Variants in EYS observed in about 807,000 individuals in gnomAD.
EYS encodes EGF-like photoreceptor maintenance factor, also known as protein eyes shut homolog.
In EYS, 250 loss-of-function variants were observed where a neutral mutation model predicts 282.1. The ratio of observed to expected loss-of-function variants is 0.89; its 90% CI spans 0.80 to 0.98. EYS has a LOEUF of 0.98. Ranked by LOEUF, EYS falls within the 50% of genes least tolerant of loss-of-function variation. The pLI is 0.00. For synonymous variants in EYS, 1,355 were observed against 1,282.9 expected (o/e 1.06, Z -1.20); for missense variants, 4,016 against 3,709.0 (o/e 1.08, Z -2.15).
chr6:64,412,613 T>A (rs557238457), intron 28 of EYS: 108 of 152,168 alleles, frequency 7.1e-4, no homozygotes, highest in African/African-American at 2.5e-3. Flanking sequence ...CATTTAAAAA[T>A]TTTTTTTCTC....
intron 30 of EYS, among the ~76,000 whole-genome samples, chr6:64,296,594 ATATATTTTTT>A (rs1561913884): frequency 6.2e-3 from 30 of 4,854 alleles, no homozygotes; most frequent in Admixed American, 0.014. Flanking sequence ...ACATATATAT[ATATATTTTTT>A]TTTTTTTTTT....
intron 28 of EYS, among the ~76,000 whole-genome samples, chr6:64,434,607 G>T (rs1283647144): frequency 3.3e-5 from 5 of 151,942 alleles, no homozygotes; most frequent in Non-Finnish European, 7.4e-5. Flanking sequence ...GGTTCATGGG[G>T]CCTGTAGCTT....
intron 26 of EYS, among the ~76,000 whole-genome samples, chr6:64,526,383 G>A (rs1777920907): frequency 6.6e-6 from 1 of 151,636 alleles, no homozygotes; most frequent in South Asian, 2.1e-4. Flanking sequence ...TCTTACAATT[G>A]TGTGTGAATC....
At chr6:64,966,001 T>C (rs2150108591) in intron 14 of EYS, among the ~76,000 whole-genome samples, 1 of 152,062 alleles carries the variant, frequency 6.6e-6, no homozygotes, top group Admixed American at 6.5e-5. Flanking sequence ...TATTTCGAAG[T>C]CTATTCAAAA....
intron 2 of EYS, among the ~76,000 whole-genome samples, chr6:65,604,719 T>C (rs1404415050): frequency 1.3e-5 from 2 of 151,930 alleles, no homozygotes; most frequent in African/African-American, 4.8e-5. Flanking sequence ...GGTAGAATAA[T>C]GTATGGATAG....
intron 5 of EYS, among the ~76,000 whole-genome samples, chr6:65,487,644 T>G (rs879133319): frequency 6.6e-6 from 1 of 152,136 alleles, no homozygotes; most frequent in Non-Finnish European, 1.5e-5. Context: ...TATTTTTTTG[T>G]TTTGTCTCTG....
At chr6:65,146,964 A>T (rs1764494740) in intron 12 of EYS, among the ~76,000 whole-genome samples, 1 of 151,910 alleles carries the variant, frequency 6.6e-6, no homozygotes, top group Non-Finnish European at 1.5e-5. Context: ...ACTCATTGTC[A>T]TTGTGTCCTG....
chr6:64,595,864 TCTGCATTG>T (rs1360450033), intron 24 of EYS, among the ~76,000 whole-genome samples: 4 of 152,164 alleles, frequency 2.6e-5, no homozygotes, highest in African/African-American at 9.7e-5. Context: ...ATTAAACCAT[TCTGCATTG>T]CTATAAAGAA....
intron 28 of EYS, 116 bp from the exon 29 acceptor site, chr6:64,388,956 A>G: frequency 1.4e-6 from 1 of 692,320 alleles, no homozygotes; most frequent in Non-Finnish European, 2.1e-6. Flanking sequence ...TTTCACAATA[A>G]AACAAAGCCA....
At chr6:65,056,145 T>G (rs1773406246) in intron 13 of EYS, among the ~76,000 whole-genome samples, 1 of 152,086 alleles carries the variant, frequency 6.6e-6, no homozygotes, top group African/African-American at 2.4e-5. Context: ...ATTCCTTTAT[T>G]TTGGTGCTCA....
chr6:64,390,476 G>A (rs980623563), intron 28 of EYS, among the ~76,000 whole-genome samples: 10 of 151,534 alleles, frequency 6.6e-5, no homozygotes, highest in East Asian at 2.0e-4. Flanking sequence ...CCTGACCCCG[G>A]AGCAGCCTAA....
intron 1 of EYS, among the ~76,000 whole-genome samples, chr6:65,693,220 CCT>C (rs1357305515): frequency 1.3e-5 from 2 of 148,148 alleles, no homozygotes; most frequent in Non-Finnish European, 3.0e-5. Flanking sequence ...TTATTTTTTC[CCT>C]CTTTCCTCCC....
intron 29 of EYS, among the ~76,000 whole-genome samples, chr6:64,348,190 C>T (rs1771483077): frequency 6.6e-6 from 1 of 151,328 alleles, no homozygotes; most frequent in Non-Finnish European, 1.5e-5. Context: ...CACTATTATG[C>T]ACTTCTCATT....
chr6:64,451,865 A>C (rs1321449103), intron 26 of EYS, among the ~76,000 whole-genome samples: 31 of 152,342 alleles, frequency 2.0e-4, no homozygotes, highest in Non-Finnish European at 4.3e-4. Context: ...ATCTCAAAAT[A>C]ATAAGAGCTA....
intron 14 of EYS, among the ~76,000 whole-genome samples, chr6:64,995,278 A>C (rs1305006354): frequency 6.6e-6 from 1 of 152,168 alleles, no homozygotes; most frequent in East Asian, 1.9e-4. Context: ...TATTTTAAGT[A>C]CTTTTCATGC....
At chr6:64,096,704 CT>C (rs1318599014) in intron 31 of EYS, among the ~76,000 whole-genome samples, 3 of 152,186 alleles carry the variant, frequency 2.0e-5, no homozygotes, top group South Asian at 2.1e-4. Flanking sequence ...AAACTTCCTC[CT>C]TTTAGCTCGG....
chr6:65,650,737 C>A (rs1200584155), intron 1 of EYS, among the ~76,000 whole-genome samples: 3 of 152,138 alleles, frequency 2.0e-5, no homozygotes, highest in Non-Finnish European at 2.9e-5. Context: ...ACTGAGGGTA[C>A]ACAGAGAGCA....
rs533511366 is a variant in EYS at position 65,677,536 on chromosome 6, T to C, written c.-448+29599A>G. Among the ~76,000 whole-genome samples the C allele has an allele frequency of 2.0e-5, 3 of 151,868 alleles. No homozygotes were observed. In the South Asian group the frequency reaches 6.2e-4, roughly 32 times the overall value. On this transcript the variant is annotated intron_variant, in intron 1 of 42. Transcript: ENST00000503581. ...CAAGGGAATAAATGACTATAAAACA[T>C]TGATGAAAGAAATTAAAGGAGACAC... is the stretch of plus-strand genomic sequence containing the variant.
chr6:64,559,510 T>A (rs1765333823), intron 26 of EYS, among the ~76,000 whole-genome samples: 1 of 152,104 alleles, frequency 6.6e-6, no homozygotes, highest in Admixed American at 6.6e-5. Context: ...TAAAAATCAA[T>A]ACAAAGTTAC....
Sources: allele counts gnomAD v4.1 joint callset (sites outside exome capture counted in the v4.1 genomes callset), GRCh38; gene constraint gnomAD v4.1.1; transcripts MANE v1.5; gene names NCBI Gene and HGNC (gene_info 2026-07-23, HGNC 2026-07-21).